FTSJ3: variants seen among roughly 807,000 people sequenced by gnomAD.
FTSJ3 encodes the protein FtsJ RNA 2'-O-methyltransferase 3.
FTSJ3 carries 46 observed loss-of-function variants against 111.5 expected under a neutral mutation model. The observed-to-expected ratio is 0.41, with a 90% CI of 0.33 to 0.53. FTSJ3 has a LOEUF of 0.53. Ranked by LOEUF, FTSJ3 falls within the 20% of genes least tolerant of loss-of-function variation. FTSJ3 has a pLI of 0.19. For missense variants in FTSJ3, 1,075 were observed against 1,063.8 expected, an observed-to-expected ratio of 1.01 and a Z score of -0.15; for synonymous variants, 408 against 383.0, an observed-to-expected ratio of 1.07 and a Z score of -0.76.
Position 63,819,893 on chromosome 17 carries a change from C to G in FTSJ3, c.2453G>C (p.Arg818Thr), listed in dbSNP as rs767892003. ...TGAGTCCACCACCTTGAAATGACCT[C>G]TGACTCCAGCTGGCCGGCGCACTTT... is the stretch of plus-strand genomic sequence containing the variant. ...GRKVRRPAGV[R>T]GHFKVVDSRM... Residue 818 changes from arginine (R) to threonine (T), a missense_variant, in exon 21 of 21, where the codon AGA (arginine) becomes ACA (threonine). By Grantham distance (71) the Arg-to-Thr change is moderately conservative. Around this residue, in one of 2 missense-constraint regions of FTSJ3, gnomAD observed 867 missense variants for 796.9 expected, o/e 1.09. Transcript: ENST00000427159. The G allele has an allele frequency of 1.2e-6, 2 of 1,614,230 alleles. No individual in the cohort carries two copies. Among genetic ancestry groups the G allele is most frequent in the East Asian group, 4.5e-5 (2 of 44,876 alleles).
Position 63,819,691 on chromosome 17 carries a change from G to GA in FTSJ3, c.*110dup. ...AGGCACTCCACCTCACTGTTCTTCA[G>GA]ACAGCTGTGATGTGAGCAGGGGCTA... On this transcript the variant is annotated 3_prime_UTR_variant, in exon 21 of 21. Transcript: ENST00000427159. The GA allele has an allele frequency of 9.9e-7, 1 of 1,014,638 alleles. No individual in the cohort carries two copies. The highest frequency in any genetic ancestry group is 1.6e-5 in the South Asian group (1 of 63,750). 62.9% of individuals were successfully genotyped at this position (1,014,638 alleles called of 1,614,324 possible).
intron 10 of FTSJ3, 60 bp downstream of exon 10, chr17:63,824,577 A>G: frequency 1.4e-6 from 2 of 1,475,104 alleles, no homozygotes; most frequent in Non-Finnish European, 1.9e-6. Flanking sequence ...CAGAGGTCCA[A>G]CATCATGGCC....
rs143387815 is a variant in FTSJ3 at position 63,824,771 on chromosome 17, T to G, written c.817-34A>C. Reference sequence around the variant, plus strand: ...GAGGATGGAAAGGTGTCAGGGGAGATCCTCAGGCCATGTTTCTGGGGCTAC... The same window carrying G: ...GAGGATGGAAAGGTGTCAGGGGAGAGCCTCAGGCCATGTTTCTGGGGCTAC... On this transcript the variant is annotated intron_variant, in intron 9 of 20. Coordinates refer to ENST00000427159, the MANE Select transcript of FTSJ3 (RefSeq NM_017647.4). 11 of 1,607,306 alleles carry G rather than the reference T, an allele frequency of 6.8e-6. No homozygotes were observed. The East Asian group carries it at 2.5e-4, about 36-fold the overall frequency.
Position 63,819,436 on chromosome 17 carries a change from C to T in FTSJ3, c.*366G>A. Reference sequence around the variant, plus strand: ...AAACTGTCAGAAAAGACAACTCTTCCATTATCCTGGTTTTATTCAGGAATA... The same window carrying T: ...AAACTGTCAGAAAAGACAACTCTTCTATTATCCTGGTTTTATTCAGGAATA... On this transcript the variant is annotated 3_prime_UTR_variant, in exon 21 of 21. Transcript: ENST00000427159. The T allele has an allele frequency of 4.9e-6, 1 of 204,220 alleles. No homozygotes were observed. The highest frequency in any genetic ancestry group is 1.0e-5 in the Non-Finnish European group (1 of 100,318). 12.7% of individuals were successfully genotyped at this position (204,220 alleles called of 1,614,324 possible).
rs1002537783 is a variant in FTSJ3, at chr17:63,827,455, G to A, written c.-430C>T. ...CGCTTCCGCGCTTGCGCGCCAAGAC[G>A]GCTCGGATGCCGGCGGTCTCTGCTG... On this transcript the variant is annotated 5_prime_UTR_variant, in exon 1 of 21. Transcript: ENST00000427159. 4.5e-6 allele frequency: 7 copies of A among 1,551,634 alleles called. No individual in the cohort carries two copies. Among genetic ancestry groups the A allele is most frequent in the Admixed American group, 3.9e-5 (2 of 50,992 alleles).
At position 63,820,338 on chromosome 17, in the gene FTSJ3, C is replaced by T. The variant is rs1347734614; in HGVS notation, c.2173G>A (p.Glu725Lys). ...RQLPVGKKEVEHYRKRWREIN... is the reference protein window; with the variant it reads ...RQLPVGKKEVKHYRKRWREIN... ...TCCCGCCAGCGTTTCCGGTAATGCT[C>T]CACCTCCTTCTTACCAACAGGCAAC... Residue 725 changes from glutamate to lysine, a missense_variant, in exon 19 of 21, where the codon GAG (glutamate) becomes AAG (lysine). By Grantham distance (56) the Glu-to-Lys change is moderately conservative. This residue lies in a region of FTSJ3 where 867 missense variants were observed against 796.9 expected (regional missense o/e 1.09). Coordinates refer to ENST00000427159, the MANE Select transcript of FTSJ3 (RefSeq NM_017647.4). 2 of 1,614,066 alleles carry T rather than the reference C, an allele frequency of 1.2e-6. No individual in the cohort carries two copies. The highest frequency in any genetic ancestry group is 2.2e-5 in the South Asian group (2 of 91,086).
chr17:63,825,469 T>C lies in FTSJ3; in HGVS notation c.401-33A>G, dbSNP rs775284860. On this transcript the variant is annotated intron_variant, in intron 6 of 20. Transcript: ENST00000427159. ...ATAGAGACAATTAGTTGACGCACTC[T>C]GCAGCCCAGGAGGGCATGCGCCCAC... 3 of 1,613,252 alleles carry C rather than the reference T, an allele frequency of 1.9e-6. No individual in the cohort carries two copies. In the East Asian group the frequency reaches 6.7e-5, roughly 36 times the overall value.
chr17:63,819,825 T>C lies in FTSJ3; in HGVS notation c.2521A>G (p.Lys841Glu), dbSNP rs1175828819. The change falls in exon 21 of 21, where the codon AAG (lysine) becomes GAG (glutamate). Residue 841 changes from lysine to glutamate, a missense_variant. Physicochemically the swap from Lys to Glu is moderately conservative, Grantham distance 56 (BLOSUM62 1). This residue lies in a region of FTSJ3 where 867 missense variants were observed against 796.9 expected (regional missense o/e 1.09). Coordinates refer to ENST00000427159, the MANE Select transcript of FTSJ3 (RefSeq NM_017647.4). ...DQRAQQRKEQ[K>E]KKHKRK The stretch of plus-strand genomic sequence containing the variant: ...GCTTACTTCCGTTTGTGTTTTTTCT[T>C]TTGTTCCTTACGTTGCTGTGCTCTT... The C allele has an allele frequency of 6.2e-7, 1 of 1,613,466 alleles. No individual in the cohort carries two copies. Among genetic ancestry groups the C allele is most frequent in the Non-Finnish European group, 8.5e-7 (1 of 1,179,758 alleles).
Position 63,822,084 on chromosome 17 carries a change from C to T in FTSJ3, c.1375G>A (p.Asp459Asn). Residue 459 changes from aspartate (D) to asparagine (N), a missense_variant, in exon 14 of 21, where the codon GAT becomes AAT. Coordinates refer to ENST00000427159, the MANE Select transcript of FTSJ3 (RefSeq NM_017647.4). ...DLPRDDIYVS[D>N]VEDDGDDTSL... is the part of the protein sequence containing the mutation. ...GTGTCATCACCGTCGTCCTCAACAT[C>T]TGACACATAGATATCATCCCTTGGC... is the stretch of plus-strand genomic sequence containing the variant. 2 of 1,614,242 alleles carry T rather than the reference C, an allele frequency of 1.2e-6. No homozygotes were observed. The highest frequency in any genetic ancestry group is 1.1e-5 in the South Asian group (1 of 91,088).
Position 63,824,212 on chromosome 17 carries a change from A to G in FTSJ3, c.1026T>C (p.Gly342=). The change falls in exon 12 of 21, where the codon GGT becomes GGC. Residue 342 remains glycine, a synonymous_variant. Transcript: ENST00000427159. ...ISLSSGEEDE[G]DEEDSTAGTT... The stretch of plus-strand genomic sequence containing the variant: ...TTCCAGCTGTTGAGTCCTCCTCATC[A>G]CCTTCATCTTCCTCTCCAGAGCTGA... The G allele has an allele frequency of 6.2e-7, 1 of 1,613,720 alleles. No individual in the cohort carries two copies. The highest frequency in any genetic ancestry group is 8.5e-7 in the Non-Finnish European group (1 of 1,179,988).
intron 12 of FTSJ3, 51 bp from the exon 13 acceptor site, chr17:63,824,003 T>A: frequency 1.2e-6 from 2 of 1,613,766 alleles, no homozygotes; most frequent in Non-Finnish European, 1.7e-6. Flanking sequence ...AAAGTTTCTA[T>A]CCATGCCTTG....
In FTSJ3 at chr17:63,824,865, C is replaced by G. The variant is rs762191968; in HGVS notation, c.776G>C (p.Arg259Pro). The G allele has an allele frequency of 6.2e-6, 10 of 1,601,794 alleles. No individual in the cohort carries two copies. The African/African-American group carries it at 1.2e-4, about 19-fold the overall frequency. ...YHRTSVTDFL[R>P]AANPVDFLSK... ...GAGGAAGTCAACAGGGTTGGCAGCTCGGAGGAAGTCAGTGACTGAGGTACG... is the reference window on the plus strand; with the variant it reads ...GAGGAAGTCAACAGGGTTGGCAGCTGGGAGGAAGTCAGTGACTGAGGTACG... Residue 259 changes from arginine (R) to proline (P), a missense_variant, in exon 9 of 21, where the codon CGA (arginine) becomes CCA (proline). This residue lies in a region of FTSJ3 where 867 missense variants were observed against 796.9 expected (regional missense o/e 1.09). Coordinates refer to ENST00000427159, the MANE Select transcript of FTSJ3 (RefSeq NM_017647.4).
At position 63,824,862 on chromosome 17, in the gene FTSJ3, G is replaced by A; in HGVS notation, c.779C>T (p.Ala260Val). The stretch of plus-strand genomic sequence containing the variant: ...GGAGAGGAAGTCAACAGGGTTGGCA[G>A]CTCGGAGGAAGTCAGTGACTGAGGT... ...HRTSVTDFLRAANPVDFLSKA... is the reference protein window; with the variant it reads ...HRTSVTDFLRVANPVDFLSKA... The change falls in exon 9 of 21, where the codon GCT becomes GTT. Residue 260 changes from alanine to valine, a missense_variant. This residue lies in a region of FTSJ3 where 867 missense variants were observed against 796.9 expected (regional missense o/e 1.09). Coordinates refer to ENST00000427159, the MANE Select transcript of FTSJ3 (RefSeq NM_017647.4). The A allele has an allele frequency of 6.2e-7, 1 of 1,603,388 alleles. No homozygotes were observed. Among genetic ancestry groups the A allele is most frequent in the East Asian group, 2.2e-5 (1 of 44,826 alleles).
At position 63,821,355 on chromosome 17, in the gene FTSJ3, T is replaced by C. The variant is rs1386146996; in HGVS notation, c.1885A>G (p.Ser629Gly). 7 of 1,601,660 alleles carry C rather than the reference T, an allele frequency of 4.4e-6. No individual in the cohort carries two copies. Among genetic ancestry groups the C allele is most frequent in the Non-Finnish European group, 6.0e-6 (7 of 1,173,134 alleles). The part of the protein sequence containing the change: ...DSSTSSEEEE[S>G]WEPLRGKKRS... ...CTTCTCTCAGCTGCAACTACTCACC[T>C]CTCTTCTTCCTCACTGCTAGTACTG... The change falls in exon 16 of 21, where the codon AGC (serine) becomes GGC (glycine). Residue 629 changes from serine (S) to glycine (G), a missense_variant and splice_region_variant. This residue lies in a region of FTSJ3 where 867 missense variants were observed against 796.9 expected (regional missense o/e 1.09). Coordinates refer to ENST00000427159, the MANE Select transcript of FTSJ3 (RefSeq NM_017647.4).
chr17:63,820,095 C>G lies in FTSJ3; in HGVS notation c.2335G>C (p.Val779Leu), dbSNP rs774079721. 4.3e-6 allele frequency: 7 copies of G among 1,614,144 alleles called. No homozygotes were observed. The South Asian group carries it at 6.6e-5, about 15-fold the overall frequency. ...NTVDISEREK[V>L]AQLRSLYKKA... is the part of the protein sequence containing the mutation. ...TCCCATTACCTTCGCAGCTGTGCCA[C>G]TTTCTCTCGTTCTGAGATGTCCACT... Residue 779 changes from valine (V) to leucine (L), a missense_variant, in exon 20 of 21, where the codon GTG (valine) becomes CTG (leucine). Transcript: ENST00000427159.
At position 63,819,593 on chromosome 17, in the gene FTSJ3, G is replaced by A. The variant is rs2040026377; in HGVS notation, c.*209C>T. ...TCATGAGTGTCAACACAGTTCAGCA[G>A]TGTTTTCATGGGAGACCTTCAGGCA... is the stretch of plus-strand genomic sequence containing the variant. On this transcript the variant is annotated 3_prime_UTR_variant, in exon 21 of 21. Coordinates refer to ENST00000427159, the MANE Select transcript of FTSJ3 (RefSeq NM_017647.4). 3 of 571,660 alleles carry A rather than the reference G, an allele frequency of 5.2e-6. No individual in the cohort carries two copies. Among genetic ancestry groups the A allele is most frequent in the Non-Finnish European group, 9.3e-6 (3 of 322,132 alleles). 35.4% of individuals were successfully genotyped at this position (571,660 alleles called of 1,614,324 possible). A position where few individuals can be genotyped will look rare whatever the true frequency, so the allele number is the denominator to read the frequency against.
Position 63,826,664 on chromosome 17 carries a change from A to C in FTSJ3, c.76T>G (p.Ser26Ala). The change falls in exon 3 of 21, where the codon TCC (serine) becomes GCC (alanine). Residue 26 changes from serine (S) to alanine (A), a missense_variant. Physicochemically the swap from Ser to Ala is moderately conservative, Grantham distance 99 (BLOSUM62 1). Transcript: ENST00000427159. ...TGGATCAGCTTGAAAGCAGATCGGG[A>C]ACGGTAACCTGGACAAAACAACCAA... ...YHLAKETGYR[S>A]RSAFKLIQLN... 1 of 1,613,774 alleles carries C rather than the reference A, an allele frequency of 6.2e-7. No individual in the cohort carries two copies. Among genetic ancestry groups the C allele is most frequent in the Non-Finnish European group, 8.5e-7 (1 of 1,179,758 alleles).
chr17:63,827,606 C>T lies in FTSJ3; in HGVS notation c.-581G>A, dbSNP rs2040125109. The T allele has an allele frequency of 3.9e-6, 6 of 1,549,246 alleles. No homozygotes were observed. Among genetic ancestry groups the T allele is most frequent in the Non-Finnish European group, 4.4e-6 (5 of 1,145,926 alleles). On this transcript the variant is annotated 5_prime_UTR_variant, in exon 1 of 21. Transcript: ENST00000427159. The stretch of plus-strand genomic sequence containing the variant: ...GGAGAGCGGGCCGGGGCAGGAGCGT[C>T]GGGTGGGTCGGAGGTGCCTGGACCA...
In FTSJ3 at chr17:63,827,535, G is replaced by T; in HGVS notation, c.-510C>A. On this transcript the variant is annotated 5_prime_UTR_variant, in exon 1 of 21. Transcript: ENST00000427159. Reference sequence around the variant, plus strand: ...AGCAGGTATGGCGGGTGCAGTGGCGGCCCGGCAGGTTACGGGGCTGGGTGC... The same window carrying T: ...AGCAGGTATGGCGGGTGCAGTGGCGTCCCGGCAGGTTACGGGGCTGGGTGC... 1 of 1,551,644 alleles carries T rather than the reference G, an allele frequency of 6.4e-7. No individual in the cohort carries two copies. The highest frequency in any genetic ancestry group is 2.0e-5 in the Admixed American group (1 of 51,016).
Sources: allele counts gnomAD v4.1 joint callset, GRCh38; gene constraint gnomAD v4.1.1; regional missense constraint gnomAD v4.1.1; transcripts MANE v1.5; gene names NCBI Gene and HGNC (gene_info 2026-07-23, HGNC 2026-07-21).